TACC2: variants seen among roughly 807,000 people sequenced by gnomAD.
TACC2 encodes transforming acidic coiled-coil containing protein 2.
TACC2 carries 137 observed loss-of-function variants against 227.3 expected under a neutral mutation model. The observed-to-expected ratio is 0.60, with a 90% CI of 0.52 to 0.69. The LOEUF (loss-of-function observed/expected upper bound fraction) is 0.69. TACC2 is among the 30% of genes least tolerant of loss of function. The pLI is 0.00. For synonymous variants in TACC2, 1,523 were observed against 1,487.5 expected (o/e 1.02, Z -0.55); for missense variants, 3,470 against 3,694.4 (o/e 0.94, Z 1.57).
At chr10:122,188,290 A>AT (rs1480202595) in intron 7 of TACC2, among the ~76,000 whole-genome samples, 1 of 151,702 alleles carries the variant, frequency 6.6e-6, no homozygotes, top group African/African-American at 2.4e-5. Context: ...TTATTTATTT[A>AT]TTTTTTTGAG....
At chr10:122,229,310 T>A (rs370356607) in intron 14 of TACC2, 36 bp from the exon 15 acceptor site, 135 of 1,611,954 alleles carry the variant, frequency 8.4e-5, no homozygotes, top group Non-Finnish European at 1.1e-4. Context: ...TTCTCCTCTA[T>A]TTTTCTTGTG....
rs1173397369 is a variant in TACC2 at position 122,082,704 on chromosome 10, G to C, written c.204G>C (p.Leu68=). The C allele has an allele frequency of 6.2e-7, 1 of 1,614,084 alleles. No homozygotes were observed. Among genetic ancestry groups the C allele is most frequent in the South Asian group, 1.1e-5 (1 of 91,068 alleles). The change falls in exon 4 of 23, where the codon CTG becomes CTC. Residue 68 remains leucine, a synonymous_variant. Transcript: ENST00000369005. The part of the protein sequence containing the change: ...FCTASESSAS[L]DPCLVSPEVT... The stretch of plus-strand genomic sequence containing the variant: ...CCGCTTCTGAGAGTTCTGCCAGCCT[G>C]GATCCATGCCTTGTGTCCCCAGAGG...
intron 5 of TACC2, among the ~76,000 whole-genome samples, chr10:122,127,823 A>C (rs1592328272): frequency 6.6e-6 from 1 of 152,340 alleles, no homozygotes; most frequent in East Asian, 1.9e-4. Context: ...GCACAAAGTC[A>C]ATTTGACAGT....
intron 5 of TACC2, among the ~76,000 whole-genome samples, chr10:122,104,936 G>GACTT (rs1162590706): frequency 6.6e-6 from 1 of 152,210 alleles, no homozygotes; most frequent in Admixed American, 6.5e-5. Flanking sequence ...TCTGATGATA[G>GACTT]ACGTAAGCAT....
At chr10:122,224,559 CT>C (rs2095585757) in intron 11 of TACC2, among the ~76,000 whole-genome samples, 166 bp from the exon 12 acceptor site, 1 of 152,160 alleles carries the variant, frequency 6.6e-6, no homozygotes, top group African/African-American at 2.4e-5. Context: ...CGAACTGAGC[CT>C]TTTCTTCAGG....
intron 11 of TACC2, among the ~76,000 whole-genome samples, chr10:122,221,335 G>T (rs1448119471): frequency 6.6e-6 from 1 of 152,154 alleles, no homozygotes; most frequent in Non-Finnish European, 1.5e-5. Flanking sequence ...AAAAGATTAG[G>T]AACTATTGGT....
chr10:121,997,127 C>A (rs1953616138), intron 1 of TACC2, among the ~76,000 whole-genome samples: 1 of 152,132 alleles, frequency 6.6e-6, no homozygotes, highest in South Asian at 2.1e-4. Context: ...TAGATGAGAC[C>A]AGCATCTGGG....
rs140202806 is a variant in TACC2 at position 122,092,464 on chromosome 10, T to G, written c.5573+3873T>G. ...AGGTGACATGCTTCTGTGGATTGAA[T>G]TTTGAAGATTCTGCCAATTTGAATA... On this transcript the variant is annotated intron_variant, in intron 5 of 22. Coordinates refer to ENST00000369005, the MANE Select transcript of TACC2 (RefSeq NM_206862.4). 1.2e-3 allele frequency among the ~76,000 whole-genome samples: 189 copies of G among 152,344 alleles called. 1 individual carries two copies. Among genetic ancestry groups the G allele is most frequent in the African/African-American group, 4.3e-3 (177 of 41,588 alleles).
intron 6 of TACC2, among the ~76,000 whole-genome samples, chr10:122,137,366 C>T (rs918797472): frequency 6.6e-6 from 1 of 151,592 alleles, no homozygotes; most frequent in Non-Finnish European, 1.5e-5. Context: ...GCCTGTAGTC[C>T]CAGCTACTCA....
At chr10:122,042,239 A>G (rs2074382863) in intron 2 of TACC2, among the ~76,000 whole-genome samples, 1 of 148,938 alleles carries the variant, frequency 6.7e-6, no homozygotes, top group Non-Finnish European at 1.5e-5. Context: ...GCCACTGCAC[A>G]TGGCCTTTTC....
chr10:122,170,015 T>G (rs187032833), intron 7 of TACC2, among the ~76,000 whole-genome samples: 1 of 152,256 alleles, frequency 6.6e-6, no homozygotes, highest in Admixed American at 6.5e-5. Flanking sequence ...CCTCCCAAAA[T>G]GCTAGGATTA....
At chr10:122,008,257 T>TA (rs1399567195) in intron 1 of TACC2, among the ~76,000 whole-genome samples, 1 of 72,214 alleles carries the variant, frequency 1.4e-5, no homozygotes, top group African/African-American at 5.0e-5. Context: ...TTATTATTAT[T>TA]ATTATTATTT....
At chr10:122,189,569 T>G (rs1290741781) in intron 7 of TACC2, among the ~76,000 whole-genome samples, 4 of 152,204 alleles carry the variant, frequency 2.6e-5, no homozygotes, top group Non-Finnish European at 5.9e-5. Context: ...GTTCTTTCAC[T>G]CTGAGGAGTG....
chr10:122,116,007 G>GT (rs1191789721), intron 5 of TACC2, among the ~76,000 whole-genome samples: 3 of 151,896 alleles, frequency 2.0e-5, no homozygotes, highest in Non-Finnish European at 2.9e-5. Context: ...GGCTAGCTGT[G>GT]TTTTTTTTCT....
At chr10:122,081,466 T>C (rs2079489884) in intron 3 of TACC2, among the ~76,000 whole-genome samples, 1 of 145,374 alleles carries the variant, frequency 6.9e-6, no homozygotes, top group African/African-American at 2.6e-5. Flanking sequence ...AGGCAGAGCT[T>C]GCAGTGAGCC....
Position 122,086,825 on chromosome 10 carries a change from TCA to T in TACC2, c.4327_4328del (p.Thr1443GlnfsTer40). The T allele has an allele frequency of 6.2e-7, 1 of 1,613,884 alleles. No homozygotes were observed. ...GGGAGGAGTGCAGTGGGTAAAGACC[TCA>T]CCAGGCCATTGGGCCCAGAGAAGCT... is the stretch of plus-strand genomic sequence containing the variant. On this transcript the variant is annotated frameshift_variant, in exon 4 of 23. Transcript: ENST00000369005. LOFTEE classifies it high-confidence loss of function.
At chr10:122,158,988 C>T (rs1011110453) in intron 7 of TACC2, among the ~76,000 whole-genome samples, 1 of 152,156 alleles carries the variant, frequency 6.6e-6, no homozygotes, top group Admixed American at 6.5e-5. Context: ...GACACAGACA[C>T]ACCTGAGACT....
chr10:122,033,785 T>G (rs115615654), intron 2 of TACC2, among the ~76,000 whole-genome samples: 1,764 of 152,136 alleles, frequency 0.012, 32 homozygotes, highest in African/African-American at 0.04. Flanking sequence ...AACCCCTGGC[T>G]CCTCACTAGC....
At chr10:122,183,278 C>G (rs1159872801) in intron 7 of TACC2, among the ~76,000 whole-genome samples, 9 of 152,166 alleles carry the variant, frequency 5.9e-5, no homozygotes, top group Admixed American at 5.2e-4. Flanking sequence ...AAGGCCATAC[C>G]TGCTCCTGCT....
Sources: gnomAD v4.1 joint callset for allele counts (sites outside exome capture counted in the v4.1 genomes callset) on GRCh38, gnomAD v4.1.1 for gene constraint, MANE v1.5 for transcripts, NCBI Gene and HGNC (gene_info 2026-07-23, HGNC 2026-07-21) for gene names.